Variants in COQ6 observed in about 807,000 individuals in gnomAD.
COQ6 encodes the protein coenzyme Q6, monooxygenase, also known as ubiquinone biosynthesis monooxygenase COQ6, mitochondrial.
COQ6 carries 45 observed loss-of-function variants against 55.5 expected under a neutral mutation model. That is an observed-to-expected ratio of 0.81 (90% CI 0.64 to 1.04). COQ6 has a LOEUF of 1.04. Ranked by LOEUF, COQ6 falls within the 50% of genes least tolerant of loss-of-function variation. The pLI is 0.00. For synonymous variants in COQ6, 206 were observed against 230.5 expected (o/e 0.89, Z 0.96); for missense variants, 550 against 601.3 (o/e 0.91, Z 0.89).
At chr14:73,961,927 A>G (rs772984916) in intron 11 of COQ6, 24 bp downstream of exon 11, 2 of 1,613,480 alleles carry the variant, frequency 1.2e-6, no homozygotes, top group African/African-American at 2.7e-5. Context: ...CAGAGGAATG[A>G]CTTTGCAAAC....
intron 8 of COQ6, chr14:73,960,967 T>C (rs2056694420): frequency 3.0e-6 from 2 of 674,188 alleles, no homozygotes; most frequent in Non-Finnish European, 5.2e-6. Context: ...GGCCAGCTCA[T>C]GTACAGTTTG....
rs7141392 is a variant in COQ6 at position 73,961,583 on chromosome 14, A to G, written c.1210+13A>G. The G allele has an allele frequency of 0.88, 1,416,927 of 1,613,424 alleles. 623,256 individuals carry two copies. The highest frequency in any genetic ancestry group is 0.95 in the East Asian group (42,726 of 44,866). On this transcript the variant is annotated intron_variant, in intron 10 of 11. Transcript: ENST00000334571. ...GGGAAGGACTTAGGTAAGGATTCAG[A>G]TACTATGGGGAAGTATCCAGAGGTC...
chr14:73,962,779 T>C (rs2056805963), intron 11 of COQ6, 191 bp from the exon 12 acceptor site: 2 of 612,920 alleles, frequency 3.3e-6, no homozygotes, highest in Non-Finnish European at 2.9e-6. Context: ...ATCACACCAC[T>C]GCACTCCAGC....
chr14:73,962,979 ATGGCC>A lies in COQ6; in HGVS notation c.1389_1393del (p.Met463IlefsTer36). ...TTTATTTTTTCTCCAGGAACAGATT[ATGGCC>A]TTTGCAAGCAAATGAGTACTCCTCT... is the stretch of plus-strand genomic sequence containing the variant. On this transcript the variant is annotated frameshift_variant, in exon 12 of 12. Transcript: ENST00000334571. LOFTEE classifies it high-confidence loss of function. 6.2e-7 allele frequency: 1 copy of A among 1,609,590 alleles called. No individual in the cohort carries two copies. The highest frequency in any genetic ancestry group is 1.1e-5 in the South Asian group (1 of 90,978).
chr14:73,950,579 C>T (rs1167313814), intron 1 of COQ6, 84 bp downstream of exon 1: 4 of 1,501,136 alleles, frequency 2.7e-6, no homozygotes, highest in South Asian at 1.3e-5. Context: ...GCACGACTTG[C>T]CCAAAGACAA....
In COQ6 at chr14:73,959,487, G is replaced by C. The variant is rs754534028; in HGVS notation, c.856G>C (p.Glu286Gln). The change falls in exon 8 of 12, where the codon GAG (glutamate) becomes CAG (glutamine). Residue 286 changes from glutamate (E) to glutamine (Q), a missense_variant. Coordinates refer to ENST00000334571, the MANE Select transcript of COQ6 (RefSeq NM_182476.3). ...EHAAELVSMD[E>Q]EKFVDAVNSA... ...TGCAGCAGAGCTAGTTAGCATGGAT[G>C]AGGAAAAATTTGTGGATGCCGTTAA... 6.2e-7 allele frequency: 1 copy of C among 1,614,194 alleles called. No homozygotes were observed. Among genetic ancestry groups the C allele is most frequent in the East Asian group, 2.2e-5 (1 of 44,890 alleles).
intron 4 of COQ6, chr14:73,956,152 G>A (rs1594794019): frequency 1.9e-5 from 9 of 463,926 alleles, no homozygotes; most frequent in Middle Eastern, 6.8e-4. Flanking sequence ...GTGAAACCCT[G>A]TCTCTACTAA....
At chr14:73,954,709 C>T (rs117895742) in intron 2 of COQ6, among the ~76,000 whole-genome samples, 4,051 of 151,110 alleles carry the variant, frequency 0.027, 95 homozygotes, top group Non-Finnish European at 0.04. Flanking sequence ...CCGGGCATGG[C>T]GGCGGATGCC....
chr14:73,952,114 CTTTTT>C (rs869273031), intron 1 of COQ6, among the ~76,000 whole-genome samples: 5 of 73,780 alleles, frequency 6.8e-5, no homozygotes, highest in African/African-American at 9.1e-5. Flanking sequence ...CTGGAGCTAA[CTTTTT>C]TTTTTTTTTT....
chr14:73,959,598 A>T, intron 8 of COQ6, 76 bp downstream of exon 8: 1 of 1,606,718 alleles, frequency 6.2e-7, no homozygotes, highest in Non-Finnish European at 8.5e-7. Flanking sequence ...TTTTTTTGAA[A>T]CGGATCCTTG....
intron 4 of COQ6, among the ~76,000 whole-genome samples, chr14:73,957,411 A>G (rs2056490232): frequency 6.6e-6 from 1 of 152,206 alleles, no homozygotes; most frequent in South Asian, 2.1e-4. Context: ...CTTTGTTGAC[A>G]GTATGACTGA....
At chr14:73,952,753 G>A (rs955563278) in intron 1 of COQ6, among the ~76,000 whole-genome samples, 22 of 152,044 alleles carry the variant, frequency 1.4e-4, no homozygotes, top group Admixed American at 1.0e-3. Context: ...GTGCAGTGGT[G>A]CAATCTCCTC....
rs573469037 is a variant in COQ6 at position 73,961,850 on chromosome 14, G to T, written c.1324G>T (p.Val442Leu). The T allele has an allele frequency of 1.2e-6, 2 of 1,614,192 alleles. No individual in the cohort carries two copies. Among genetic ancestry groups the T allele is most frequent in the African/African-American group, 2.7e-5 (2 of 75,046 alleles). ...CTATTCTACCAGTGCCTCCCCGCTT[G>T]TGTTGCTCAGGACGTGGGGCTTGCA... ...RLYSTSASPLVLLRTWGLQAT... is the reference protein window; with the variant it reads ...RLYSTSASPLLLLRTWGLQAT... The change falls in exon 11 of 12, where the codon GTG becomes TTG. Residue 442 changes from valine (V) to leucine (L), a missense_variant. Physicochemically the swap from Val to Leu is conservative, Grantham distance 32. Transcript: ENST00000334571.
chr14:73,960,172 A>C, intron 8 of COQ6: 1 of 988,112 alleles, frequency 1.0e-6, no homozygotes, highest in Non-Finnish European at 1.2e-6. Flanking sequence ...AAGTATTCCT[A>C]GGGAAAGGCC....
At chr14:73,957,475 G>GTGTTT (rs888735957) in intron 4 of COQ6, among the ~76,000 whole-genome samples, 2 of 152,112 alleles carry the variant, frequency 1.3e-5, no homozygotes, top group African/African-American at 4.8e-5. Context: ...TTTGGAGATA[G>GTGTTT]TGTTTTGTTT....
rs913285528 is a variant in COQ6 at position 73,955,263 on chromosome 14, C to T, written c.299-188C>T. On this transcript the variant is annotated intron_variant, in intron 2 of 11. Transcript: ENST00000334571. ...CCACCGCGCCCGGCAGAAGCTGGGT[C>T]TTTTTTCATGCTATACAACCTGGAA... is the stretch of plus-strand genomic sequence containing the variant. The T allele has an allele frequency of 1.3e-4, 86 of 644,028 alleles. No individual in the cohort carries two copies. The African/African-American group carries it at 1.4e-3, about 11-fold the overall frequency. The allele number at this position is 644,028 out of a possible 1,614,324, so 39.9% of individuals were successfully genotyped here.
At chr14:73,951,700 T>TA (rs71460935) in intron 1 of COQ6, among the ~76,000 whole-genome samples, 1 of 150,730 alleles carries the variant, frequency 6.6e-6, no homozygotes, top group Non-Finnish European at 1.5e-5. Context: ...AGTGTTTTTT[T>TA]ATATGTGACC....
intron 1 of COQ6, 124 bp downstream of exon 1, chr14:73,950,619 C>T (rs2140356673): frequency 7.1e-7 from 1 of 1,411,330 alleles, no homozygotes. Context: ...CTTCTCCCCT[C>T]CCCTCCTAGA....
chr14:73,961,634 A>G (rs2056739984), intron 10 of COQ6, 64 bp downstream of exon 10: 1 of 1,603,702 alleles, frequency 6.2e-7, no homozygotes, highest in Non-Finnish European at 8.5e-7. Flanking sequence ...ATCAGGGCCC[A>G]CAGTAGCAAG....
Sources: allele counts gnomAD v4.1 joint callset (sites outside exome capture counted in the v4.1 genomes callset), GRCh38; gene constraint gnomAD v4.1.1; transcripts MANE v1.5; gene names NCBI Gene and HGNC (gene_info 2026-07-23, HGNC 2026-07-21).